Variants in MRPL42 observed in about 807,000 individuals in gnomAD.
MRPL42 encodes large ribosomal subunit protein mL42.
MRPL42 carries 17 observed loss-of-function variants against 17.9 expected under a neutral mutation model. That is an observed-to-expected ratio of 0.95 (90% CI 0.65 to 1.42). MRPL42 has a LOEUF of 1.42. MRPL42 is among the 40% of genes most tolerant of loss of function. The pLI is 0.00. For synonymous variants in MRPL42, 59 were observed against 54.4 expected, an observed-to-expected ratio of 1.08 and a Z score of -0.37; for missense variants, 177 against 175.2, an observed-to-expected ratio of 1.01 and a Z score of -0.06.
intron 4 of MRPL42, among the ~76,000 whole-genome samples, chr12:93,482,854 G>A (rs1470036249): frequency 2.6e-5 from 4 of 151,662 alleles, no homozygotes; most frequent in South Asian, 2.1e-4. Context: ...CCAAAGTGCC[G>A]GGCTTACAAG....
Position 93,505,228 on chromosome 12 carries a change from A to G in MRPL42, c.*4007A>G, listed in dbSNP as rs1364338237. The G allele has an allele frequency of 1.3e-5, 2 of 152,204 alleles. No homozygotes were observed. Among genetic ancestry groups the G allele is most frequent in the African/African-American group, 4.8e-5 (2 of 41,456 alleles). 9.4% of individuals were successfully genotyped at this position (152,204 alleles called of 1,614,324 possible). A position where few individuals can be genotyped will look rare whatever the true frequency, so the allele number is the denominator to read the frequency against. On this transcript the variant is annotated 3_prime_UTR_variant, in exon 6 of 6. Coordinates refer to ENST00000549982, the MANE Select transcript of MRPL42 (RefSeq NM_014050.4). Reference sequence around the variant, plus strand: ...AAGATAGCACGTGTGGTTTCCACATATTCTAAGAGGCATCTTCAATTAGAT... The same window carrying G: ...AAGATAGCACGTGTGGTTTCCACATGTTCTAAGAGGCATCTTCAATTAGAT...
chr12:93,486,501 C>T (rs990534640), intron 4 of MRPL42, among the ~76,000 whole-genome samples: 1 of 152,108 alleles, frequency 6.6e-6, no homozygotes, highest in Non-Finnish European at 1.5e-5. Flanking sequence ...TGCGCTACCG[C>T]ACCAAGCTAA....
At chr12:93,500,461 T>C (rs2121278170) in intron 5 of MRPL42, among the ~76,000 whole-genome samples, 1 of 152,356 alleles carries the variant, frequency 6.6e-6, no homozygotes, top group Non-Finnish European at 1.5e-5. Context: ...GGTTCCTCAC[T>C]GTTCTGATTT....
chr12:93,511,294 T>C lies in MRPL42; in HGVS notation c.*10073T>C, dbSNP rs971603487. On this transcript the variant is annotated 3_prime_UTR_variant, in exon 6 of 6. Coordinates refer to ENST00000549982, the MANE Select transcript of MRPL42 (RefSeq NM_014050.4). ...TAAATCCAAAACCAGAAGATCTCTT[T>C]GAAAGAAAAACCTAAGTAATTAAAA... The C allele has an allele frequency of 1.3e-5, 2 of 152,160 alleles. No individual in the cohort carries two copies. Among genetic ancestry groups the C allele is most frequent in the African/African-American group, 4.8e-5 (2 of 41,452 alleles). 9.4% of individuals were successfully genotyped at this position (152,160 alleles called of 1,614,324 possible).
chr12:93,469,411 A>C (rs894320578), intron 2 of MRPL42, 56 bp downstream of exon 2: 2 of 1,327,226 alleles, frequency 1.5e-6, no homozygotes, highest in Non-Finnish European at 1.0e-6. Flanking sequence ...GAATTAAGAA[A>C]ATTTAAAGCA....
At chr12:93,484,345 GA>G (rs1318117025) in intron 4 of MRPL42, among the ~76,000 whole-genome samples, 2 of 152,038 alleles carry the variant, frequency 1.3e-5, no homozygotes, top group Non-Finnish European at 2.9e-5. Context: ...TTACAGCCAT[GA>G]GCCACTGTAG....
intron 4 of MRPL42, among the ~76,000 whole-genome samples, chr12:93,483,385 T>C (rs1565813152): frequency 6.6e-6 from 1 of 152,336 alleles, no homozygotes; most frequent in East Asian, 1.9e-4. Context: ...CAAACCTAGA[T>C]GGTGTAGCCT....
chr12:93,496,067 G>GT (rs1953495544), intron 5 of MRPL42, among the ~76,000 whole-genome samples: 1 of 152,028 alleles, frequency 6.6e-6, no homozygotes, highest in Non-Finnish European at 1.5e-5. Flanking sequence ...TTTTGTTTTT[G>GT]TTTTTGTTTG....
Position 93,491,861 on chromosome 12 carries a change from G to A in MRPL42, c.383+4201G>A, listed in dbSNP as rs115375491. ...TTGGCTCCCACTTACACGTGAGAAC[G>A]TGTGGTATTTGGTTTTCTGTTTCTG... On this transcript the variant is annotated intron_variant, in intron 5 of 5. Coordinates refer to ENST00000549982, the MANE Select transcript of MRPL42 (RefSeq NM_014050.4). 3.1e-3 allele frequency among the ~76,000 whole-genome samples: 469 copies of A among 152,300 alleles called. 5 individuals are homozygous for A. The highest frequency in any genetic ancestry group is 0.011 in the African/African-American group (446 of 41,566).
chr12:93,470,201 T>C (rs1189352250), intron 2 of MRPL42, among the ~76,000 whole-genome samples: 2 of 152,226 alleles, frequency 1.3e-5, no homozygotes, highest in African/African-American at 4.8e-5. Flanking sequence ...CTTTCTTTTC[T>C]AAAGAACTGT....
intron 3 of MRPL42, among the ~76,000 whole-genome samples, chr12:93,478,866 A>G (rs1364215398): frequency 6.6e-6 from 1 of 152,130 alleles, no homozygotes; most frequent in Middle Eastern, 3.4e-3. Flanking sequence ...AGGTTTGCCA[A>G]TCCAGTGATG....
At chr12:93,469,736 CAA>C (rs1161338781) in intron 2 of MRPL42, among the ~76,000 whole-genome samples, 3 of 151,974 alleles carry the variant, frequency 2.0e-5, no homozygotes, top group African/African-American at 7.2e-5. Flanking sequence ...CAAATAGAAA[CAA>C]AAAAAGCATG....
rs2121304163 is a variant in MRPL42, at chr12:93,510,850, T to C, written c.*9629T>C. The stretch of plus-strand genomic sequence containing the variant: ...TCAGATATATGCACTGGAAATATTT[T>C]TATGGGGGACCAGTGTTAAGATTAG... On this transcript the variant is annotated 3_prime_UTR_variant, in exon 6 of 6. Transcript: ENST00000549982. The C allele has an allele frequency of 6.6e-6, 1 of 152,344 alleles. No individual in the cohort carries two copies. Among genetic ancestry groups the C allele is most frequent in the East Asian group, 1.9e-4 (1 of 5,194 alleles). The allele number at this position is 152,344 out of a possible 1,614,324, so 9.4% of individuals were successfully genotyped here.
At chr12:93,485,013 T>TACAC (rs1389054796) in intron 4 of MRPL42, among the ~76,000 whole-genome samples, 19 of 111,688 alleles carry the variant, frequency 1.7e-4, no homozygotes, top group South Asian at 6.1e-4. Flanking sequence ...TATATATATA[T>TACAC]ATATATATAT....
intron 3 of MRPL42, among the ~76,000 whole-genome samples, chr12:93,477,871 C>T (rs1490875082): frequency 1.3e-5 from 2 of 152,166 alleles, no homozygotes; most frequent in African/African-American, 2.4e-5. Flanking sequence ...CCATGTTAGC[C>T]AGGCTGGTCT....
rs1352064808 is a variant in MRPL42, at chr12:93,511,928, A to G, written c.*10707A>G. 2.6e-5 allele frequency: 4 copies of G among 152,224 alleles called. No homozygotes were observed. Among genetic ancestry groups the G allele is most frequent in the African/African-American group, 7.2e-5 (3 of 41,454 alleles). 9.4% of individuals were successfully genotyped at this position (152,224 alleles called of 1,614,324 possible). ...TTATTTGAAAAAGTCTTGGTAGAAA[A>G]AGCATATCAACTGAACTGTACAGTG... On this transcript the variant is annotated 3_prime_UTR_variant, in exon 6 of 6. Coordinates refer to ENST00000549982, the MANE Select transcript of MRPL42 (RefSeq NM_014050.4).
At chr12:93,475,100 T>A (rs1421262974) in intron 2 of MRPL42, among the ~76,000 whole-genome samples, 5 of 151,850 alleles carry the variant, frequency 3.3e-5, no homozygotes, top group Admixed American at 2.6e-4. Flanking sequence ...TAAAAAGGAT[T>A]TCATGGAAGA....
chr12:93,478,163 C>T (rs555229993), intron 3 of MRPL42, among the ~76,000 whole-genome samples: 3 of 151,792 alleles, frequency 2.0e-5, no homozygotes, highest in Admixed American at 6.6e-5. Context: ...ACCATGTTGC[C>T]CAGGCTGGTC....
In MRPL42 at chr12:93,513,828, A is replaced by G. The variant is rs1235302385; in HGVS notation, c.*12607A>G. Reference sequence around the variant, plus strand: ...CTAGACCACAATGGATTAAAGAACTATCCTTTCATCACAGATAGTTCAATG... The same window carrying G: ...CTAGACCACAATGGATTAAAGAACTGTCCTTTCATCACAGATAGTTCAATG... On this transcript the variant is annotated 3_prime_UTR_variant, in exon 6 of 6. Transcript: ENST00000549982. The G allele has an allele frequency of 3.9e-5, 6 of 152,250 alleles. No homozygotes were observed. The highest frequency in any genetic ancestry group is 3.4e-3 in the Middle Eastern group (1 of 294). 9.4% of individuals were successfully genotyped at this position (152,250 alleles called of 1,614,324 possible). A position where few individuals can be genotyped will look rare whatever the true frequency, so the allele number is the denominator to read the frequency against.
Sources: allele counts gnomAD v4.1 joint callset (sites outside exome capture counted in the v4.1 genomes callset), GRCh38; gene constraint gnomAD v4.1.1; transcripts MANE v1.5; gene names NCBI Gene and HGNC (gene_info 2026-07-23, HGNC 2026-07-21).